SYNPO2L: variants seen among roughly 807,000 people sequenced by gnomAD.
SYNPO2L encodes the protein synaptopodin 2 like.
SYNPO2L carries 34 observed loss-of-function variants against 47.5 expected under a neutral mutation model. The ratio of observed to expected loss-of-function variants is 0.72; its 90% CI spans 0.54 to 0.95. The LOEUF is 0.95. Ranked by LOEUF, SYNPO2L falls within the 40% of genes least tolerant of loss-of-function variation. The probability of loss-of-function intolerance (pLI) is 0.00; values close to 1 mark genes in which losing one functional copy is unlikely to be tolerated. For synonymous variants in SYNPO2L, 536 were observed against 524.9 expected (o/e 1.02, Z -0.29); for missense variants, 1,246 against 1,282.0 (o/e 0.97, Z 0.43).
In SYNPO2L at chr10:73,648,827, G is replaced by A. The variant is rs767407978; in HGVS notation, c.825C>T (p.Thr275=). The stretch of plus-strand genomic sequence containing the variant: ...GCAGGGATGCAATTGTCCTGCATTT[G>A]GTCTTGGCCTCTTTTATGCTCTTCT... ...LQEKSIKEAK[T]KCRTIASLLT... is the part of the protein sequence containing the mutation. The change falls in exon 4 of 4, where the codon ACC becomes ACT. Residue 275 remains threonine (T), a synonymous_variant. Coordinates refer to ENST00000394810, the MANE Select transcript of SYNPO2L (RefSeq NM_001114133.3). The A allele has an allele frequency of 6.4e-7, 1 of 1,563,226 alleles. No individual in the cohort carries two copies. Among genetic ancestry groups the A allele is most frequent in the Non-Finnish European group, 8.7e-7 (1 of 1,153,314 alleles).
In SYNPO2L at chr10:73,647,381, C is replaced by G; in HGVS notation, c.2271G>C (p.Arg757Ser). 2 of 1,614,054 alleles carry G rather than the reference C, an allele frequency of 1.2e-6. No individual in the cohort carries two copies. Among genetic ancestry groups the G allele is most frequent in the Non-Finnish European group, 1.7e-6 (2 of 1,179,958 alleles). ...GCCGCTTAGCAAACAGCTCCCCACC[C>G]CTGCCCTGCAGCCTTGGTGGCTCAG... ...GIPEPPRLQG[R>S]GGELFAKRQS... Residue 757 changes from arginine (R) to serine (S), a missense_variant, in exon 4 of 4, where the codon AGG (arginine) becomes AGC (serine). Physicochemically the swap from Arg to Ser is moderately radical, Grantham distance 110 (BLOSUM62 -1). This residue lies in a region of SYNPO2L where 1,037 missense variants were observed against 1,021.5 expected (regional missense o/e 1.02). Coordinates refer to ENST00000394810, the MANE Select transcript of SYNPO2L (RefSeq NM_001114133.3).
chr10:73,653,970 C>A, intron 2 of SYNPO2L, 159 bp downstream of exon 2: 1 of 984,620 alleles, frequency 1.0e-6, no homozygotes, highest in Non-Finnish European at 1.5e-6. Context: ...TACATTCAAG[C>A]CCTCTGGGAG....
Position 73,645,581 on chromosome 10 carries a change from GAA to G in SYNPO2L, c.*1135_*1136del, listed in dbSNP as rs1405224874. ...TGGCCTCTCAAGTTGCTAACTTTTT[GAA>G]ATCCTGAGGTATAGAATTCTTTGTT... On this transcript the variant is annotated 3_prime_UTR_variant, in exon 4 of 4. Transcript: ENST00000394810. 1.0e-6 allele frequency: 1 copy of G among 986,792 alleles called. No homozygotes were observed. The highest frequency in any genetic ancestry group is 6.1e-5 in the Admixed American group (1 of 16,268). 61.1% of individuals were successfully genotyped at this position (986,792 alleles called of 1,614,324 possible).
rs1177785238 is a variant in SYNPO2L, at chr10:73,653,566, A to C, written c.345T>G (p.Pro115=). 2.6e-6 allele frequency: 4 copies of C among 1,552,060 alleles called. No individual in the cohort carries two copies. In the African/African-American group the frequency reaches 5.5e-5, roughly 21 times the overall value. ...SPLSPLSPEP[P]GAPVPQPLQP... is the part of the protein sequence containing the mutation. ...GAAGAGGCTGAGGAACTGGAGCACCAGGGGGCTCAGGACTTAGTGGAGATA... is the reference window on the plus strand; with the variant it reads ...GAAGAGGCTGAGGAACTGGAGCACCCGGGGGCTCAGGACTTAGTGGAGATA... The change falls in exon 3 of 4, where the codon CCT becomes CCG. Residue 115 remains proline, a synonymous_variant. Transcript: ENST00000394810.
At position 73,649,927 on chromosome 10, in the gene SYNPO2L, A is replaced by G. The variant is rs186575483; in HGVS notation, c.773-1048T>C. On this transcript the variant is annotated intron_variant, in intron 3 of 3. Transcript: ENST00000394810. The stretch of plus-strand genomic sequence containing the variant: ...CCAGCTAAATATATTATTTACCCCA[A>G]GCTGGGGATGGTAGTGGGGTGGGCT... 5,111 of 985,392 alleles carry G rather than the reference A, an allele frequency of 5.2e-3. 22 individuals carry two copies. Among genetic ancestry groups the G allele is most frequent in the Middle Eastern group, 0.026 (49 of 1,914 alleles). The allele number at this position is 985,392 out of a possible 1,614,324, so 61.0% of individuals were successfully genotyped here.
chr10:73,651,122 T>C (rs2081838256), intron 3 of SYNPO2L: 3 of 1,391,694 alleles, frequency 2.2e-6, no homozygotes, highest in Non-Finnish European at 2.8e-6. Flanking sequence ...ACTGTGCTAT[T>C]TTTGGAGCCT....
chr10:73,653,130 G>C lies in SYNPO2L; in HGVS notation c.772+9C>G. 8 of 1,446,576 alleles carry C rather than the reference G, an allele frequency of 5.5e-6. No individual in the cohort carries two copies. Among genetic ancestry groups the C allele is most frequent in the Non-Finnish European group, 7.3e-6 (8 of 1,095,810 alleles). The allele number at this position is 1,446,576 out of a possible 1,614,324, so 89.6% of individuals were successfully genotyped here. On this transcript the variant is annotated intron_variant, in intron 3 of 3. Coordinates refer to ENST00000394810, the MANE Select transcript of SYNPO2L (RefSeq NM_001114133.3). Reference sequence around the variant, plus strand: ...ATCCTGGCTGGGGAAAAGGGGTTCAGGCACTCACTGGCTTGCTTGGCCTTC... The same window carrying C: ...ATCCTGGCTGGGGAAAAGGGGTTCACGCACTCACTGGCTTGCTTGGCCTTC...
intron 2 of SYNPO2L, chr10:73,653,910 T>A (rs1435322641): frequency 4.1e-6 from 3 of 738,840 alleles, no homozygotes; most frequent in Admixed American, 5.9e-5. Context: ...GGGGTTGAAG[T>A]AGGCTCATCA....
At position 73,646,834 on chromosome 10, in the gene SYNPO2L, T is replaced by C. The variant is rs1401020451; in HGVS notation, c.2818A>G (p.Arg940Gly). The stretch of plus-strand genomic sequence containing the variant: ...GAGCTGGGAGAAGCCCCAAGGCCCC[T>C]GGGAGCCTCTGGAGGAGGGGCTGGG... ...PSPAPPPEAP[R>G]GLGASPSSCG... Residue 940 changes from arginine (R) to glycine (G), a missense_variant, in exon 4 of 4, where the codon AGG becomes GGG. Arg to Gly is a moderately radical substitution (Grantham distance 125, BLOSUM62 -2). Coordinates refer to ENST00000394810, the MANE Select transcript of SYNPO2L (RefSeq NM_001114133.3). The C allele has an allele frequency of 3.9e-6, 6 of 1,551,496 alleles. No individual in the cohort carries two copies. Among genetic ancestry groups the C allele is most frequent in the East Asian group, 2.3e-5 (1 of 44,330 alleles).
At position 73,648,379 on chromosome 10, in the gene SYNPO2L, C is replaced by T. The variant is rs1259441586; in HGVS notation, c.1273G>A (p.Ala425Thr). The T allele has an allele frequency of 1.9e-6, 3 of 1,606,724 alleles. No individual in the cohort carries two copies. Among genetic ancestry groups the T allele is most frequent in the Middle Eastern group, 1.6e-4 (1 of 6,062 alleles). Residue 425 changes from alanine to threonine, a missense_variant, in exon 4 of 4, where the codon GCC becomes ACC. Physicochemically the swap from Ala to Thr is moderately conservative, Grantham distance 58. Coordinates refer to ENST00000394810, the MANE Select transcript of SYNPO2L (RefSeq NM_001114133.3). ...GCTGCCTCTGGGGGAGCACTCTGGG[C>T]CCGAGGTGGTGACTGCAGGCCTTCC... ...NGEGLQSPPR[A>T]QSAPPEAAVL... is the part of the protein sequence containing the mutation.
Position 73,645,841 on chromosome 10 carries a change from T to C in SYNPO2L, c.*877A>G, listed in dbSNP as rs1191749005. 3 of 986,074 alleles carry C rather than the reference T, an allele frequency of 3.0e-6. No homozygotes were observed. Among genetic ancestry groups the C allele is most frequent in the African/African-American group, 1.7e-5 (1 of 57,246 alleles). 61.1% of individuals were successfully genotyped at this position (986,074 alleles called of 1,614,324 possible). Reference sequence around the variant, plus strand: ...TGGGTCTTTTGTTTGTTTGTTTGTTTTGAGACAGAGTCTCGCTCCGTCGCC... The same window carrying C: ...TGGGTCTTTTGTTTGTTTGTTTGTTCTGAGACAGAGTCTCGCTCCGTCGCC... On this transcript the variant is annotated 3_prime_UTR_variant, in exon 4 of 4. Coordinates refer to ENST00000394810, the MANE Select transcript of SYNPO2L (RefSeq NM_001114133.3).
rs760966081 is a variant in SYNPO2L at position 73,648,142 on chromosome 10, G to A, written c.1510C>T (p.Pro504Ser). ...RANDSLGGLS[P>S]APPPFLSSQG... is the part of the protein sequence containing the mutation. ...GAAGACAAGAAGGGGGGTGGGGCGG[G>A]GCTGAGGCCCCCCAGGCTGTCGTTC... Residue 504 changes from proline to serine, a missense_variant, in exon 4 of 4, where the codon CCC becomes TCC. By Grantham distance (74) the Pro-to-Ser change is moderately conservative (BLOSUM62 -1). Around this residue, in one of 3 missense-constraint regions of SYNPO2L, gnomAD observed 1,037 missense variants for 1,021.5 expected, o/e 1.02. Transcript: ENST00000394810. The A allele has an allele frequency of 1.3e-6, 2 of 1,543,972 alleles. No homozygotes were observed. Among genetic ancestry groups the A allele is most frequent in the Non-Finnish European group, 1.7e-6 (2 of 1,146,234 alleles).
intron 2 of SYNPO2L, 132 bp downstream of exon 2, chr10:73,653,997 T>G (rs764135265): frequency 4.9e-5 from 59 of 1,213,268 alleles, no homozygotes; most frequent in Non-Finnish European, 6.3e-5. Flanking sequence ...ACAAACCATC[T>G]GCACTCCAGC....
chr10:73,647,660 C>T lies in SYNPO2L; in HGVS notation c.1992G>A (p.Arg664=). 6.2e-7 allele frequency: 1 copy of T among 1,614,170 alleles called. No individual in the cohort carries two copies. The highest frequency in any genetic ancestry group is 8.5e-7 in the Non-Finnish European group (1 of 1,179,998). ...SLVQNLDEKP[R]AGGAESGPEE... is the part of the protein sequence containing the mutation. The stretch of plus-strand genomic sequence containing the variant: ...CAGGACCAGATTCTGCACCCCCGGC[C>T]CGAGGCTTTTCATCCAGGTTCTGTA... Residue 664 remains arginine, a synonymous_variant, in exon 4 of 4, where the codon CGG becomes CGA. Transcript: ENST00000394810.
At chr10:73,648,955 C>A in intron 3 of SYNPO2L, 76 bp from the exon 4 acceptor site, 2 of 1,413,340 alleles carry the variant, frequency 1.4e-6, no homozygotes, top group Non-Finnish European at 1.8e-6. Flanking sequence ...GGCTTTCACC[C>A]CCCATCCCAG....
intron 3 of SYNPO2L, chr10:73,650,161 C>T: frequency 1.0e-6 from 1 of 985,436 alleles, no homozygotes; most frequent in South Asian, 4.7e-5. Context: ...TCCCCAGTTC[C>T]TCCTGAAAAA....
At chr10:73,653,112 C>T (rs1030057662) in intron 3 of SYNPO2L, 27 bp downstream of exon 3, 15 of 1,440,282 alleles carry the variant, frequency 1.0e-5, no homozygotes, top group Non-Finnish European at 1.2e-5. Flanking sequence ...AGGATCCTGG[C>T]TGGGGAAAAG....
At chr10:73,651,999 C>T (rs2081844660) in intron 3 of SYNPO2L, among the ~76,000 whole-genome samples, 2 of 139,066 alleles carry the variant, frequency 1.4e-5, no homozygotes, top group African/African-American at 5.4e-5. Context: ...TGCTTGAACC[C>T]AGGAGGTGGA....
chr10:73,649,635 A>C, intron 3 of SYNPO2L: 1 of 767,156 alleles, frequency 1.3e-6, no homozygotes, highest in Non-Finnish European at 1.6e-6. Context: ...ACATGTGTGC[A>C]CATCAAAACA....
Sources: gnomAD v4.1 joint callset for allele counts (sites outside exome capture counted in the v4.1 genomes callset) on GRCh38, gnomAD v4.1.1 for gene constraint, gnomAD v4.1.1 regional missense constraint, MANE v1.5 for transcripts, NCBI Gene and HGNC (gene_info 2026-07-23, HGNC 2026-07-21) for gene names.